Variants in SLC44A1 observed in about 807,000 individuals in gnomAD.
SLC44A1 encodes choline transporter-like protein 1.
Under a neutral mutation model 79.3 loss-of-function variants are expected in SLC44A1, and 26 were observed. That is an observed-to-expected ratio of 0.33 (90% CI 0.24 to 0.46). SLC44A1 has a LOEUF of 0.46. Among genes scored for constraint, SLC44A1 ranks in the 20% least tolerant of loss-of-function variants. The pLI, the probability that SLC44A1 is intolerant of heterozygous loss-of-function variation, is 1.00. For synonymous variants in SLC44A1, 263 were observed against 286.2 expected, an observed-to-expected ratio of 0.92 and a Z score of 0.82; for missense variants, 688 against 798.1, an observed-to-expected ratio of 0.86 and a Z score of 1.66.
intron 4 of SLC44A1, among the ~76,000 whole-genome samples, chr9:105,345,320 A>G (rs1218109516): frequency 6.6e-6 from 1 of 152,206 alleles, no homozygotes. Context: ...GATAACTTGT[A>G]TGTTTCACGG....
chr9:105,309,838 A>G lies in SLC44A1; in HGVS notation c.241A>G (p.Asn81Asp), dbSNP rs1235137033. ...AAATACAAAGTTGGAAGCAATACCA[A>G]ACAGTGGCATGGACCACACCCAGCG... ...QKNTKLEAIP[N>D]SGMDHTQRKY... Residue 81 changes from asparagine to aspartate, a missense_variant, in exon 3 of 16, where the codon AAC becomes GAC. By Grantham distance (23) the Asn-to-Asp change is conservative. Transcript: ENST00000374720. The G allele has an allele frequency of 6.2e-7, 1 of 1,613,934 alleles. No individual in the cohort carries two copies. The highest frequency in any genetic ancestry group is 1.1e-5 in the South Asian group (1 of 91,074).
In SLC44A1 at chr9:105,299,231, A is replaced by G. The variant is rs1474146645; in HGVS notation, c.48A>G (p.Arg16=). 1 of 1,589,274 alleles carries G rather than the reference A, an allele frequency of 6.3e-7. No homozygotes were observed. The change falls in exon 2 of 16, where the codon CGA becomes CGG. Residue 16 remains arginine (R), a synonymous_variant. Coordinates refer to ENST00000374720, the MANE Select transcript of SLC44A1 (RefSeq NM_080546.5). The part of the protein sequence containing the change: ...SASSAAQSSK[R]EWKPLEDRSC... Reference sequence around the variant, plus strand: ...GTATTTCCAATTAGAGCTCCAAACGAGAATGGAAGCCGCTGGAGGACCGTA... The same window carrying G: ...GTATTTCCAATTAGAGCTCCAAACGGGAATGGAAGCCGCTGGAGGACCGTA...
intron 5 of SLC44A1, chr9:105,355,850 G>A (rs1827605451): frequency 5.5e-6 from 1 of 181,844 alleles, no homozygotes; most frequent in Non-Finnish European, 1.1e-5. Context: ...TGTAAGCTTT[G>A]TCATCTGCCC....
intron 1 of SLC44A1, 56 bp downstream of exon 1, chr9:105,244,960 G>A: frequency 2.1e-6 from 2 of 937,064 alleles, no homozygotes; most frequent in Non-Finnish European, 1.3e-6. Context: ...GCGCCGCGTC[G>A]CGCGGCGGGC....
At position 105,362,196 on chromosome 9, in the gene SLC44A1, G is replaced by GA. The variant is rs994025278; in HGVS notation, c.901-617dup. On this transcript the variant is annotated intron_variant, in intron 8 of 15. Coordinates refer to ENST00000374720, the MANE Select transcript of SLC44A1 (RefSeq NM_080546.5). ...CATCATCGTCTTCTCTCTGAAAAAA[G>GA]AAAAAAAATCAGTCTACTTCTAAGA... Among the ~76,000 whole-genome samples, 258 of 151,438 alleles carry GA rather than the reference G, an allele frequency of 1.7e-3. 2 individuals are homozygous for GA. The highest frequency in any genetic ancestry group is 5.9e-3 in the African/African-American group (245 of 41,318).
chr9:105,423,384 T>C (rs777861299), intron 15 of SLC44A1, among the ~76,000 whole-genome samples: 3 of 152,112 alleles, frequency 2.0e-5, no homozygotes, highest in Non-Finnish European at 4.4e-5. Flanking sequence ...GAGAATCACT[T>C]AAACCCAGGA....
At chr9:105,349,757 A>C (rs1175511919) in intron 5 of SLC44A1, among the ~76,000 whole-genome samples, 1 of 152,188 alleles carries the variant, frequency 6.6e-6, no homozygotes. Context: ...TATTCTTTGA[A>C]TATAGAATCA....
At chr9:105,290,673 T>C (rs1305234761) in intron 1 of SLC44A1, among the ~76,000 whole-genome samples, 1 of 152,236 alleles carries the variant, frequency 6.6e-6, no homozygotes, top group Non-Finnish European at 1.5e-5. Context: ...CCCACAATTA[T>C]TTTTTAGGGG....
rs1449294249 is a variant in SLC44A1 at position 105,361,262 on chromosome 9, C to G, written c.832C>G (p.Gln278Glu). 6.2e-7 allele frequency: 1 copy of G among 1,613,590 alleles called. No individual in the cohort carries two copies. The highest frequency in any genetic ancestry group is 8.5e-7 in the Non-Finnish European group (1 of 1,179,516). ...TCCCAAAGAAACTGTTACTCCTGAG[C>G]AGCTTCAGATAGCTGAAGACAATCT... ...RSPKETVTPE[Q>E]LQIAEDNLRA... Residue 278 changes from glutamine (Q) to glutamate (E), a missense_variant, in exon 8 of 16, where the codon CAG becomes GAG. By Grantham distance (29) the Gln-to-Glu change is conservative. Transcript: ENST00000374720.
Position 105,386,066 on chromosome 9 carries a change from A to G in SLC44A1, c.1950+564A>G, listed in dbSNP as rs1828618523. On this transcript the variant is annotated intron_variant, in intron 15 of 15. Transcript: ENST00000374720. ...AGCAAACAAGGCTGTTTTCATCAAT[A>G]CCCACATTCCCACTCAGTAAGACAA... 3 of 985,168 alleles carry G rather than the reference A, an allele frequency of 3.0e-6. No individual in the cohort carries two copies. In the South Asian group the frequency reaches 1.4e-4, roughly 46 times the overall value. The allele number at this position is 985,168 out of a possible 1,614,324, so 61.0% of individuals were successfully genotyped here. A position where few individuals can be genotyped will look rare whatever the true frequency, so the allele number is the denominator to read the frequency against.
intron 3 of SLC44A1, among the ~76,000 whole-genome samples, chr9:105,326,320 C>T (rs1826574736): frequency 6.6e-6 from 1 of 152,152 alleles, no homozygotes; most frequent in African/African-American, 2.4e-5. Context: ...ATCCTCCTGC[C>T]CTTGTCTCCC....
chr9:105,381,800 C>T (rs1828474257), intron 13 of SLC44A1, among the ~76,000 whole-genome samples: 1 of 152,082 alleles, frequency 6.6e-6, no homozygotes, highest in Non-Finnish European at 1.5e-5. Context: ...ATAGCTTAAC[C>T]AATGTATCAT....
intron 12 of SLC44A1, among the ~76,000 whole-genome samples, chr9:105,373,928 G>C (rs1168485596): frequency 3.3e-5 from 5 of 152,162 alleles, no homozygotes; most frequent in African/African-American, 4.8e-5. Flanking sequence ...GTGGCCAGTA[G>C]GTATAGTATG....
intron 15 of SLC44A1, among the ~76,000 whole-genome samples, chr9:105,418,332 A>AG (rs1436153250): frequency 3.4e-5 from 5 of 148,816 alleles, no homozygotes; most frequent in South Asian, 2.1e-4. Context: ...AAAAAAAAAA[A>AG]AAAGAAAGAA....
At chr9:105,255,927 A>C (rs1406841643) in intron 1 of SLC44A1, among the ~76,000 whole-genome samples, 1 of 152,224 alleles carries the variant, frequency 6.6e-6, no homozygotes, top group Non-Finnish European at 1.5e-5. Flanking sequence ...ATGTAAACTA[A>C]ATCTCCCTGA....
intron 15 of SLC44A1, chr9:105,386,102 T>C: frequency 1.0e-6 from 1 of 984,840 alleles, no homozygotes; most frequent in Non-Finnish European, 1.2e-6. Flanking sequence ...TCTAGTCTTC[T>C]CCCAGTTTAA....
chr9:105,401,643 GA>G (rs1828959344), downstream of SLC44A1, among the ~76,000 whole-genome samples: 1 of 152,144 alleles, frequency 6.6e-6, no homozygotes, highest in African/African-American at 2.4e-5. Context: ...GAAATAATAG[GA>G]TGATGGAAAT....
intron 1 of SLC44A1, among the ~76,000 whole-genome samples, chr9:105,246,573 T>A (rs1829457873): frequency 6.6e-6 from 1 of 152,188 alleles, no homozygotes; most frequent in Non-Finnish European, 1.5e-5. Flanking sequence ...GAATTGCACA[T>A]AACTTTCAAC....
downstream of SLC44A1, among the ~76,000 whole-genome samples, chr9:105,402,314 A>C (rs1360196695): frequency 1.3e-5 from 2 of 152,190 alleles, no homozygotes; most frequent in African/African-American, 2.4e-5. Context: ...GGAAAAGAGC[A>C]GGATTCCAGC....
Sources: gnomAD v4.1 joint callset for allele counts (sites outside exome capture counted in the v4.1 genomes callset) on GRCh38, gnomAD v4.1.1 for gene constraint, MANE v1.5 for transcripts, NCBI Gene and HGNC (gene_info 2026-07-23, HGNC 2026-07-21) for gene names.